Variants in AARS2 observed in about 807,000 individuals in gnomAD.
The protein encoded by AARS2 is alanine--tRNA ligase, mitochondrial.
AARS2 carries 78 observed loss-of-function variants against 119.7 expected under a neutral mutation model. The observed-to-expected ratio is 0.65, with a 90% CI of 0.54 to 0.79. The LOEUF (loss-of-function observed/expected upper bound fraction) is 0.79. AARS2 is among the 30% of genes least tolerant of loss of function. The probability of loss-of-function intolerance (pLI) is 0.00; values close to 1 mark genes in which losing one functional copy is unlikely to be tolerated. For synonymous variants in AARS2, 502 were observed against 526.3 expected, an observed-to-expected ratio of 0.95 and a Z score of 0.63; for missense variants, 1,157 against 1,291.3, an observed-to-expected ratio of 0.90 and a Z score of 1.59.
chr6:44,305,505 C>T lies in AARS2; in HGVS notation c.1434+148G>A. 7.7e-7 allele frequency: 1 copy of T among 1,293,264 alleles called. No individual in the cohort carries two copies. The highest frequency in any genetic ancestry group is 1.1e-6 in the Non-Finnish European group (1 of 922,054). The allele number at this position is 1,293,264 out of a possible 1,614,324, so 80.1% of individuals were successfully genotyped here. On this transcript the variant is annotated intron_variant, in intron 10 of 21. Coordinates refer to ENST00000244571, the MANE Select transcript of AARS2 (RefSeq NM_020745.4). The surrounding 1 kb of genome is among the most constrained non-coding windows in gnomAD (Gnocchi z 4.6). Reference sequence around the variant, plus strand: ...AGTTTTGCTTTCTACTGGTTGTGGCCTGAGGTTTTAGAAACCTCCCAGGTG... The same window carrying T: ...AGTTTTGCTTTCTACTGGTTGTGGCTTGAGGTTTTAGAAACCTCCCAGGTG...
At position 44,303,439 on chromosome 6, in the gene AARS2, G is replaced by A; in HGVS notation, c.2008-16C>T. 6.2e-7 allele frequency: 1 copy of A among 1,613,850 alleles called. No homozygotes were observed. The highest frequency in any genetic ancestry group is 1.1e-5 in the South Asian group (1 of 91,088). Reference sequence around the variant, plus strand: ...TCAATGGGGTCTGGAGGGGTGGGGAGGAAATGGAAAGACCAACATGCAGTC... The same window carrying A: ...TCAATGGGGTCTGGAGGGGTGGGGAAGAAATGGAAAGACCAACATGCAGTC... On this transcript the variant is annotated splice_polypyrimidine_tract_variant and intron_variant, in intron 14 of 21. Coordinates refer to ENST00000244571, the MANE Select transcript of AARS2 (RefSeq NM_020745.4).
In AARS2 at chr6:44,300,227, C is replaced by G. The variant is rs529058445; in HGVS notation, c.*320G>C. 22 of 398,058 alleles carry G rather than the reference C, an allele frequency of 5.5e-5. No individual in the cohort carries two copies. Among genetic ancestry groups the G allele is most frequent in the Middle Eastern group, 7.8e-4 (1 of 1,282 alleles). The allele number at this position is 398,058 out of a possible 1,614,324, so 24.7% of individuals were successfully genotyped here. A position where few individuals can be genotyped will look rare whatever the true frequency, so the allele number is the denominator to read the frequency against. The stretch of plus-strand genomic sequence containing the variant: ...ATCTCCTGACCTCATGATCTACCTG[C>G]CTCGGCCTCCCAAAGTGCTTGGATT... On this transcript the variant is annotated 3_prime_UTR_variant, in exon 22 of 22. Transcript: ENST00000244571.
Position 44,303,315 on chromosome 6 carries a change from G to A in AARS2, c.2116C>T (p.Gln706Ter), listed in dbSNP as rs751500507. 3 of 1,613,990 alleles carry A rather than the reference G, an allele frequency of 1.9e-6. No homozygotes were observed. Among genetic ancestry groups the A allele is most frequent in the Non-Finnish European group, 8.5e-7 (1 of 1,180,048 alleles). The part of the protein sequence containing the change: ...MEEVPLALTA[Q>*]VPGLRSLDEV... ...TCCAGAGAGCGCAGGCCAGGGACCT[G>A]GGCAGTGAGCGCCAGGGGCACCTCC... Residue 706 changes from glutamine (Q) to a stop codon, truncating the protein, a stop_gained, in exon 15 of 22, where the codon CAG becomes TAG. Coordinates refer to ENST00000244571, the MANE Select transcript of AARS2 (RefSeq NM_020745.4). LOFTEE classifies it high-confidence loss of function.
In AARS2 at chr6:44,307,334, T is replaced by C. The variant is rs754158568; in HGVS notation, c.955A>G (p.Thr319Ala). 1.9e-6 allele frequency: 3 copies of C among 1,612,918 alleles called. No homozygotes were observed. Among genetic ancestry groups the C allele is most frequent in the Non-Finnish European group, 2.5e-6 (3 of 1,179,586 alleles). Residue 319 changes from threonine (T) to alanine (A), a missense_variant, in exon 6 of 22, where the codon ACA (threonine) becomes GCA (alanine). Thr to Ala is a moderately conservative substitution (Grantham distance 58). Transcript: ENST00000244571. This position sits in a 1 kb window ranked among gnomAD's most constrained non-coding sequence, Gnocchi z 4.4. ...TGGTCAGCCACCACGCGGTACGCTG[T>C]GTCTGTGCGCCCCTCGTCTGCCACC... The part of the protein sequence containing the change: ...VGVADEGRTD[T>A]AYRVVADHIR...
Position 44,311,922 on chromosome 6 carries a change from A to C in AARS2, c.435+150T>G, listed in dbSNP as rs138936100. On this transcript the variant is annotated intron_variant, in intron 2 of 21. Coordinates refer to ENST00000244571, the MANE Select transcript of AARS2 (RefSeq NM_020745.4). The stretch of plus-strand genomic sequence containing the variant: ...TCTGCCCTTCAGGGACTTACAATCC[A>C]ATCAGGGAGGTGAGGTAATTCCTGT... 1,313 of 964,152 alleles carry C rather than the reference A, an allele frequency of 1.4e-3. 7 individuals carry two copies. In the African/African-American group the frequency reaches 0.017, roughly 13 times the overall value. The allele number at this position is 964,152 out of a possible 1,614,324, so 59.7% of individuals were successfully genotyped here.
Position 44,303,337 on chromosome 6 carries a change from C to G in AARS2, c.2094G>C (p.Glu698Asp). The G allele has an allele frequency of 6.2e-7, 1 of 1,614,056 alleles. No homozygotes were observed. The highest frequency in any genetic ancestry group is 8.5e-7 in the Non-Finnish European group (1 of 1,180,038). Residue 698 changes from glutamate to aspartate, a missense_variant, in exon 15 of 22, where the codon GAG becomes GAC. Glu to Asp is a conservative substitution (Grantham distance 45). Coordinates refer to ENST00000244571, the MANE Select transcript of AARS2 (RefSeq NM_020745.4). ...VGQDEAVYME[E>D]VPLALTAQVP... The stretch of plus-strand genomic sequence containing the variant: ...CCTGGGCAGTGAGCGCCAGGGGCAC[C>G]TCCTCCATGTACACAGCCTCATCCT...
chr6:44,301,363 G>T lies in AARS2; in HGVS notation c.2682+18C>A, dbSNP rs549379670. The T allele has an allele frequency of 1.2e-6, 2 of 1,613,812 alleles. No homozygotes were observed. The highest frequency in any genetic ancestry group is 2.7e-5 in the African/African-American group (2 of 74,924). On this transcript the variant is annotated intron_variant, in intron 20 of 21. Transcript: ENST00000244571. ...CCCTCCCCAGACCCTGGGGCAGCCC[G>T]GCTTGGCTAGCACTCACTGAGAGAG...
intron 3 of AARS2, 97 bp downstream of exon 3, chr6:44,311,293 G>A (rs1418062101): frequency 6.2e-7 from 1 of 1,604,488 alleles, no homozygotes; most frequent in Non-Finnish European, 8.5e-7. Flanking sequence ...CAATATCCTG[G>A]AATGAAATGC....
At chr6:44,309,312 C>T (rs536304715) in intron 5 of AARS2, among the ~76,000 whole-genome samples, 1 of 152,344 alleles carries the variant, frequency 6.6e-6, no homozygotes, top group East Asian at 1.9e-4. Flanking sequence ...GGCCTCTCAG[C>T]TCACCACAGA....
intron 14 of AARS2, among the ~76,000 whole-genome samples, chr6:44,303,635 C>G (rs568885146): frequency 1.3e-5 from 2 of 152,278 alleles, no homozygotes; most frequent in South Asian, 4.1e-4. Context: ...AAGCTCCAGG[C>G]CTTTCACCAG....
intron 1 of AARS2, 26 bp from the exon 2 acceptor site, chr6:44,312,289 G>T (rs998438950): frequency 1.2e-6 from 2 of 1,608,538 alleles, no homozygotes; most frequent in Non-Finnish European, 8.5e-7. Context: ...GTGGGGAGGG[G>T]GAGAGGGATA....
chr6:44,311,222 T>C, intron 3 of AARS2, 61 bp from the exon 4 acceptor site: 1 of 1,605,976 alleles, frequency 6.2e-7, no homozygotes, highest in Non-Finnish European at 8.5e-7. Flanking sequence ...GGACTCTCTC[T>C]GCCATGAGAG....
Position 44,302,328 on chromosome 6 carries a change from C to G in AARS2, c.2487+63G>C. ...AGTGCTAGGGAGAGTCTGAAGGAGTCCAGGGAGGAATAGGGGAGGTAATAG... is the reference window on the plus strand; with the variant it reads ...AGTGCTAGGGAGAGTCTGAAGGAGTGCAGGGAGGAATAGGGGAGGTAATAG... On this transcript the variant is annotated intron_variant, in intron 18 of 21. Coordinates refer to ENST00000244571, the MANE Select transcript of AARS2 (RefSeq NM_020745.4). The G allele has an allele frequency of 7.4e-6, 12 of 1,613,420 alleles. No homozygotes were observed. The South Asian group carries it at 1.3e-4, about 18-fold the overall frequency.
intron 18 of AARS2, 31 bp downstream of exon 18, chr6:44,302,360 G>A (rs1322195816): frequency 3.7e-6 from 6 of 1,613,860 alleles, no homozygotes; most frequent in Non-Finnish European, 5.1e-6. Context: ...ATAGGGCTAG[G>A]AGAGGGTGGG....
chr6:44,304,851 C>T (rs746746712), intron 11 of AARS2, 34 bp from the exon 12 acceptor site: 5 of 1,613,598 alleles, frequency 3.1e-6, no homozygotes, highest in Admixed American at 3.3e-5. Context: ...TAGTGGTGGG[C>T]AGGGGCTGGG....
At chr6:44,306,775 G>C in intron 7 of AARS2, 148 bp downstream of exon 7, 1 of 867,398 alleles carries the variant, frequency 1.2e-6, no homozygotes, top group Non-Finnish European at 1.9e-6. Flanking sequence ...AGCAAGGACA[G>C]CTTTCTTAGC....
intron 3 of AARS2, 32 bp from the exon 4 acceptor site, chr6:44,311,193 C>T (rs377461430): frequency 1.9e-5 from 31 of 1,613,476 alleles, no homozygotes; most frequent in Middle Eastern, 1.6e-4. Flanking sequence ...TGGTGGGAGA[C>T]AGACAGACCC....
rs138878568 is a variant in AARS2 at position 44,304,210 on chromosome 6, C to T, written c.1978G>A (p.Glu660Lys). 2.5e-6 allele frequency: 4 copies of T among 1,613,894 alleles called. No individual in the cohort carries two copies. In the African/African-American group the frequency reaches 4.0e-5, roughly 16 times the overall value. The change falls in exon 14 of 22, where the codon GAG becomes AAG. Residue 660 changes from glutamate to lysine, a missense_variant. Coordinates refer to ENST00000244571, the MANE Select transcript of AARS2 (RefSeq NM_020745.4). ...GTGGTCACATCCAAGCGCAGCTGCT[C>T]AGGATTGAGATGGGAGCCCTGCTGC... is the stretch of plus-strand genomic sequence containing the variant. The part of the protein sequence containing the change: ...TEQQGSHLNP[E>K]QLRLDVTTQT...
In AARS2 at chr6:44,305,142, A is replaced by G. The variant is rs1198550850; in HGVS notation, c.1491T>C (p.His497=). 1.8e-5 allele frequency: 29 copies of G among 1,613,798 alleles called. No homozygotes were observed. Among genetic ancestry groups the G allele is most frequent in the Middle Eastern group, 1.7e-4 (1 of 5,882 alleles). The stretch of plus-strand genomic sequence containing the variant: ...CTTGGCGCTGCAGCTCCCCAAGCGC[A>G]TGGACATCAAGCCACAATCCCTGCT... The part of the protein sequence containing the change: ...VQKQGLWLDV[H]ALGELQRQGV... The change falls in exon 11 of 22, where the codon CAT becomes CAC. Residue 497 remains histidine, a synonymous_variant. Coordinates refer to ENST00000244571, the MANE Select transcript of AARS2 (RefSeq NM_020745.4). This position sits in a 1 kb window ranked among gnomAD's most constrained non-coding sequence, Gnocchi z 4.6.
Sources: allele counts gnomAD v4.1 joint callset (sites outside exome capture counted in the v4.1 genomes callset), GRCh38; gene constraint gnomAD v4.1.1; non-coding constraint Gnocchi (gnomAD v3.1); transcripts MANE v1.5; gene names NCBI Gene and HGNC (gene_info 2026-07-23, HGNC 2026-07-21).